The following BRD8 variants were observed in gnomAD, a reference collection of about 807,000 sequenced individuals.
BRD8 encodes the protein bromodomain containing 8.
In BRD8, 67 loss-of-function variants were observed where a neutral mutation model predicts 143.1. The observed-to-expected ratio is 0.47, with a 90% CI of 0.38 to 0.57. The LOEUF is 0.57. Among genes scored for constraint, BRD8 ranks in the 20% least tolerant of loss-of-function variants. BRD8 has a pLI of 0.00. For missense variants in BRD8, 1,103 were observed against 1,503.0 expected (o/e 0.73, Z 4.40); for synonymous variants, 505 against 517.1 (o/e 0.98, Z 0.32).
rs1753810831 is a variant in BRD8 at position 138,170,906 on chromosome 5, T to A, written c.366A>T (p.Leu122=). 6 of 1,614,202 alleles carry A rather than the reference T, an allele frequency of 3.7e-6. No individual in the cohort carries two copies. Among genetic ancestry groups the A allele is most frequent in the Middle Eastern group, 1.6e-4 (1 of 6,062 alleles). Residue 122 remains leucine, a synonymous_variant, in exon 6 of 27, where the codon CTA becomes CTT. Coordinates refer to ENST00000254900, the MANE Select transcript of BRD8 (RefSeq NM_139199.2). ...CTTGAATTAGTTCTGCATCTCTCTT[T>A]AGCCGTCTATAGGAAGAAAGAGAGG... is the stretch of plus-strand genomic sequence containing the variant. The part of the protein sequence containing the change: ...IKETQERYRR[L]KRDAELIQAG...
At chr5:138,147,762 C>T (rs1427780605) in intron 23 of BRD8, among the ~76,000 whole-genome samples, 1 of 151,966 alleles carries the variant, frequency 6.6e-6, no homozygotes, top group Non-Finnish European at 1.5e-5. Context: ...GTGATGAAAC[C>T]CTGTCTCTAA....
At chr5:138,168,768 T>C (rs1397892639) in intron 8 of BRD8, 1 of 742,274 alleles carries the variant, frequency 1.3e-6, no homozygotes, top group Non-Finnish European at 2.3e-6. Context: ...TTAGTGTGTC[T>C]AACTATTATT....
intron 25 of BRD8, among the ~76,000 whole-genome samples, chr5:138,143,652 C>G (rs113000182): frequency 6.7e-4 from 53 of 79,666 alleles, no homozygotes; most frequent in African/African-American, 1.5e-3. Context: ...AATCAGCACT[C>G]TGTAAAAACG....
chr5:138,169,539 C>A (rs1229701766), intron 7 of BRD8, among the ~76,000 whole-genome samples, 181 bp from the exon 8 acceptor site: 1 of 152,140 alleles, frequency 6.6e-6, no homozygotes, highest in African/African-American at 2.4e-5. Flanking sequence ...CCTAATTTTT[C>A]CTAAGGGCAA....
chr5:138,154,687 C>T (rs559840153), intron 20 of BRD8, among the ~76,000 whole-genome samples: 17 of 152,144 alleles, frequency 1.1e-4, no homozygotes, highest in Non-Finnish European at 2.1e-4. Context: ...GACTTCTAAT[C>T]GTATCCTCTT....
intron 4 of BRD8, 78 bp from the exon 5 acceptor site, chr5:138,171,238 T>C (rs1167899201): frequency 4.2e-6 from 6 of 1,440,338 alleles, no homozygotes; most frequent in Non-Finnish European, 5.8e-6. Flanking sequence ...TTTTACCACT[T>C]AATCATAGAT....
intron 17 of BRD8, 57 bp from the exon 18 acceptor site, chr5:138,161,125 A>G (rs1752967547): frequency 7.3e-7 from 1 of 1,361,792 alleles, no homozygotes; most frequent in Non-Finnish European, 1.0e-6. Flanking sequence ...ACGCACCTAG[A>G]TCTATGAATA....
intron 21 of BRD8, 103 bp downstream of exon 21, chr5:138,152,379 T>C (rs1001754501): frequency 2.0e-6 from 3 of 1,464,660 alleles, no homozygotes; most frequent in Admixed American, 4.1e-5. Flanking sequence ...GTGGAGCTTA[T>C]ATTTTAGTAA....
At chr5:138,160,224 C>A (rs752310770) in intron 18 of BRD8, 51 bp from the exon 19 acceptor site, 4 of 1,243,402 alleles carry the variant, frequency 3.2e-6, no homozygotes, top group South Asian at 2.4e-5. Flanking sequence ...TTAGTAGGGA[C>A]AAATTAAGTA....
At chr5:138,152,433 T>C (rs1210416375) in intron 21 of BRD8, 49 bp downstream of exon 21, 1 of 1,599,582 alleles carries the variant, frequency 6.3e-7, no homozygotes, top group Non-Finnish European at 8.5e-7. Context: ...AAGCATTCTC[T>C]TAGAAAGTTG....
chr5:138,144,114 C>A (rs949350138), intron 25 of BRD8, among the ~76,000 whole-genome samples: 4 of 99,176 alleles, frequency 4.0e-5, no homozygotes, highest in African/African-American at 1.4e-4. Flanking sequence ...GAATAAACAA[C>A]TCCGGATGTA....
chr5:138,169,413 T>C, intron 7 of BRD8, 55 bp from the exon 8 acceptor site: 2 of 1,584,022 alleles, frequency 1.3e-6, no homozygotes, highest in Non-Finnish European at 1.7e-6. Flanking sequence ...AAATGAAACT[T>C]GACACTAGTC....
chr5:138,153,203 C>A (rs1280821204), intron 20 of BRD8, among the ~76,000 whole-genome samples: 5 of 152,144 alleles, frequency 3.3e-5, no homozygotes, highest in Non-Finnish European at 7.4e-5. Context: ...ACCTATGAAC[C>A]ATTAAACCTT....
At chr5:138,158,566 G>A (rs1752763441) in intron 20 of BRD8, among the ~76,000 whole-genome samples, 1 of 151,274 alleles carries the variant, frequency 6.6e-6, no homozygotes. Context: ...AGCCTCCCGA[G>A]TAGCTGGGAT....
rs186747373 is a variant in BRD8 at position 138,165,254 on chromosome 5, T to C, written c.1279-88A>G. 426 of 1,397,098 alleles carry C rather than the reference T, an allele frequency of 3.0e-4. 1 individual carries two copies. The highest frequency in any genetic ancestry group is 7.3e-5 in the Admixed American group (3 of 40,828). The allele number at this position is 1,397,098 out of a possible 1,614,324, so 86.5% of individuals were successfully genotyped here. A position where few individuals can be genotyped will look rare whatever the true frequency, so the allele number is the denominator to read the frequency against. Reference sequence around the variant, plus strand: ...TTAGCACCAAATGTGATGGCTTGAATCTGCAGCTTTTCGCTCCATTTTTTC... The same window carrying C: ...TTAGCACCAAATGTGATGGCTTGAACCTGCAGCTTTTCGCTCCATTTTTTC... On this transcript the variant is annotated intron_variant, in intron 11 of 26. Transcript: ENST00000254900.
intron 23 of BRD8, among the ~76,000 whole-genome samples, chr5:138,147,460 T>G (rs879637078): frequency 6.6e-6 from 1 of 151,878 alleles, no homozygotes; most frequent in Non-Finnish European, 1.5e-5. Context: ...CTATATTCTC[T>G]CAACAGATGG....
intron 22 of BRD8, among the ~76,000 whole-genome samples, 194 bp from the exon 23 acceptor site, chr5:138,149,991 A>G (rs935669145): frequency 6.6e-6 from 1 of 152,098 alleles, no homozygotes; most frequent in South Asian, 2.1e-4. Context: ...TTGCTGGAGG[A>G]CTTTGACTCT....
At chr5:138,170,110 A>G (rs1753749357) in intron 7 of BRD8, among the ~76,000 whole-genome samples, 1 of 152,230 alleles carries the variant, frequency 6.6e-6, no homozygotes, top group African/African-American at 2.4e-5. Context: ...ATTATGTTCA[A>G]TATCTCATCA....
At chr5:138,159,744 C>T (rs1235575228) in intron 19 of BRD8, 145 bp from the exon 20 acceptor site, 4 of 769,558 alleles carry the variant, frequency 5.2e-6, no homozygotes, top group Admixed American at 2.3e-5. Flanking sequence ...GATCCAAAAG[C>T]AATCTGTCCA....
Sources: allele counts gnomAD v4.1 joint callset (sites outside exome capture counted in the v4.1 genomes callset), GRCh38; gene constraint gnomAD v4.1.1; transcripts MANE v1.5; gene names NCBI Gene and HGNC (gene_info 2026-07-23, HGNC 2026-07-21).